RALGAPA2: variants seen among roughly 807,000 people sequenced by gnomAD.
The protein encoded by RALGAPA2 is Ral GTPase activating protein catalytic subunit alpha 2, also known as ral GTPase-activating protein subunit alpha-2.
In RALGAPA2, 139 loss-of-function variants were observed where a neutral mutation model predicts 230.4. The ratio of observed to expected loss-of-function variants is 0.60; its 90% CI spans 0.53 to 0.69. RALGAPA2 has a LOEUF of 0.69. Among genes scored for constraint, RALGAPA2 ranks in the 30% least tolerant of loss-of-function variants. The probability of loss-of-function intolerance (pLI) is 0.00; values close to 1 mark genes in which losing one functional copy is unlikely to be tolerated. For synonymous variants in RALGAPA2, 847 were observed against 837.8 expected, an observed-to-expected ratio of 1.01 and a Z score of -0.19; for missense variants, 2,163 against 2,276.0, an observed-to-expected ratio of 0.95 and a Z score of 1.01.
chr20:20,632,102 G>A (rs1289015067), intron 9 of RALGAPA2, among the ~76,000 whole-genome samples: 1 of 151,094 alleles, frequency 6.6e-6, no homozygotes. Flanking sequence ...TCCGCTCACT[G>A]CAAGCTCCGC....
intron 27 of RALGAPA2, among the ~76,000 whole-genome samples, chr20:20,527,737 G>A (rs1230949255): frequency 6.6e-6 from 1 of 152,036 alleles, no homozygotes; most frequent in Admixed American, 6.6e-5. Flanking sequence ...TGCATATATT[G>A]TTCACCACTG....
intron 23 of RALGAPA2, among the ~76,000 whole-genome samples, chr20:20,568,960 T>G (rs1449431783): frequency 1.3e-5 from 2 of 152,224 alleles, no homozygotes; most frequent in African/African-American, 4.8e-5. Flanking sequence ...TACATAAAAG[T>G]GTGGCCCTTT....
At chr20:20,701,859 G>A (rs2069383906) in intron 1 of RALGAPA2, among the ~76,000 whole-genome samples, 2 of 151,978 alleles carry the variant, frequency 1.3e-5, no homozygotes, top group Admixed American at 1.3e-4. Context: ...GGCCAAGATG[G>A]TGAAACCCCG....
chr20:20,480,005 C>T (rs1209898363), intron 36 of RALGAPA2, among the ~76,000 whole-genome samples: 1 of 152,068 alleles, frequency 6.6e-6, no homozygotes, highest in African/African-American at 2.4e-5. Flanking sequence ...ATATTATTTA[C>T]AACAGCATAA....
At position 20,607,300 on chromosome 20, in the gene RALGAPA2, C is replaced by T. The variant is rs145488510; in HGVS notation, c.1801-1888G>A. On this transcript the variant is annotated intron_variant, in intron 14 of 39. Coordinates refer to ENST00000202677, the MANE Select transcript of RALGAPA2 (RefSeq NM_020343.4). ...TATTTAAAGTGGTCCTTCTGTAATACGCCTGTTCTCTGTTTCAATTTGTGT... is the reference window on the plus strand; with the variant it reads ...TATTTAAAGTGGTCCTTCTGTAATATGCCTGTTCTCTGTTTCAATTTGTGT... 7.2e-3 allele frequency among the ~76,000 whole-genome samples: 1,099 copies of T among 152,160 alleles called. 10 individuals are homozygous for T. The highest frequency in any genetic ancestry group is 0.025 in the African/African-American group (1,054 of 41,518).
chr20:20,636,324 G>A (rs1465625816), intron 8 of RALGAPA2, among the ~76,000 whole-genome samples: 1 of 152,102 alleles, frequency 6.6e-6, no homozygotes, highest in Non-Finnish European at 1.5e-5. Flanking sequence ...TGGAATACCT[G>A]TATGAGGCAG....
Position 20,712,413 on chromosome 20 carries a change from T to A in RALGAPA2, c.68A>T (p.Asp23Val). 1.3e-6 allele frequency: 2 copies of A among 1,553,546 alleles called. No individual in the cohort carries two copies. Among genetic ancestry groups the A allele is most frequent in the Non-Finnish European group, 1.7e-6 (2 of 1,148,066 alleles). ...CAGGTGCTTCAGGCGGGTCAGCACG[T>A]CCTTCTTCGGGTCCAGCACCTTCTG... ...STQKVLDPKK[D>V]VLTRLKHLRA... The change falls in exon 1 of 40, where the codon GAC becomes GTC. Residue 23 changes from aspartate (D) to valine (V), a missense_variant. By Grantham distance (152) the Asp-to-Val change is radical. Transcript: ENST00000202677. This position sits in a 1 kb window ranked among gnomAD's most constrained non-coding sequence, Gnocchi z 5.5.
intron 37 of RALGAPA2, among the ~76,000 whole-genome samples, chr20:20,463,033 ATG>A (rs1352309250): frequency 6.6e-6 from 1 of 152,184 alleles, no homozygotes; most frequent in East Asian, 1.9e-4. Flanking sequence ...TCTCACTGCA[ATG>A]TGTTATTTCA....
intron 1 of RALGAPA2, among the ~76,000 whole-genome samples, chr20:20,691,642 G>A (rs2068912986): frequency 6.6e-6 from 1 of 152,066 alleles, no homozygotes; most frequent in Admixed American, 6.6e-5. Flanking sequence ...TAATCCAATG[G>A]CCAATTTTCA....
intron 5 of RALGAPA2, among the ~76,000 whole-genome samples, chr20:20,641,989 C>G (rs1262116908): frequency 6.6e-6 from 1 of 151,424 alleles, no homozygotes; most frequent in Non-Finnish European, 1.5e-5. Flanking sequence ...TACTTCCAAA[C>G]ACAGTCCTGG....
chr20:20,708,448 T>C (rs2069698298), intron 1 of RALGAPA2, among the ~76,000 whole-genome samples: 1 of 152,174 alleles, frequency 6.6e-6, no homozygotes, highest in Admixed American at 6.5e-5. Flanking sequence ...CATACTGTTC[T>C]CATGGTAGTG....
At chr20:20,615,668 C>T (rs923752367) in intron 13 of RALGAPA2, among the ~76,000 whole-genome samples, 4 of 152,198 alleles carry the variant, frequency 2.6e-5, no homozygotes, top group South Asian at 2.1e-4. Flanking sequence ...GAATTTAAAA[C>T]GTCAAGTTAG....
At chr20:20,563,967 C>G (rs921116779) in intron 23 of RALGAPA2, among the ~76,000 whole-genome samples, 3 of 152,098 alleles carry the variant, frequency 2.0e-5, no homozygotes, top group African/African-American at 7.2e-5. Flanking sequence ...CATTACCTTG[C>G]CCCTGGGCTA....
At chr20:20,480,798 T>C in intron 36 of RALGAPA2, among the ~76,000 whole-genome samples, 1 of 152,208 alleles carries the variant, frequency 6.6e-6, no homozygotes, top group East Asian at 1.9e-4. Flanking sequence ...CAGAACCTTA[T>C]AGCAGTATTT....
chr20:20,439,343 G>A (rs2060684824), intron 37 of RALGAPA2, among the ~76,000 whole-genome samples: 1 of 151,996 alleles, frequency 6.6e-6, no homozygotes, highest in Admixed American at 6.6e-5. Flanking sequence ...CTCCCAAGTA[G>A]CTGGGACTAC....
intron 38 of RALGAPA2, among the ~76,000 whole-genome samples, chr20:20,410,019 G>A (rs1172515856): frequency 2.0e-5 from 3 of 152,304 alleles, no homozygotes; most frequent in South Asian, 2.1e-4. Flanking sequence ...TTTGAAAAGC[G>A]GAGGGAGTAG....
rs77881566 is a variant in RALGAPA2, at chr20:20,432,679, T to G, written c.5496-20531A>C. ...AAACACTGGAAAATACATTCCACCA[T>G]GCTATACATACATGGGAAAACAAAA... On this transcript the variant is annotated intron_variant, in intron 37 of 39. Coordinates refer to ENST00000202677, the MANE Select transcript of RALGAPA2 (RefSeq NM_020343.4). Among the ~76,000 whole-genome samples, 669 of 152,224 alleles carry G rather than the reference T, an allele frequency of 4.4e-3. 4 individuals are homozygous for G. Among genetic ancestry groups the G allele is most frequent in the African/African-American group, 0.015 (640 of 41,532 alleles).
chr20:20,652,040 A>T (rs561109111), intron 4 of RALGAPA2, among the ~76,000 whole-genome samples: 1 of 152,374 alleles, frequency 6.6e-6, no homozygotes, highest in South Asian at 2.1e-4. Context: ...TGTGTATTTG[A>T]AATATTTAAA....
intron 37 of RALGAPA2, among the ~76,000 whole-genome samples, chr20:20,447,933 C>T (rs1269361423): frequency 6.6e-6 from 1 of 152,194 alleles, no homozygotes; most frequent in Non-Finnish European, 1.5e-5. Context: ...AACAAGGGGG[C>T]ATCATTCTGC....
Sources: gnomAD v4.1 joint callset for allele counts (sites outside exome capture counted in the v4.1 genomes callset) on GRCh38, gnomAD v4.1.1 for gene constraint, Gnocchi (gnomAD v3.1) non-coding constraint, MANE v1.5 for transcripts, NCBI Gene and HGNC (gene_info 2026-07-23, HGNC 2026-07-21) for gene names.